TNRC6C: variants seen among roughly 807,000 people sequenced by gnomAD.
TNRC6C encodes the protein trinucleotide repeat containing adaptor 6C, also known as trinucleotide repeat-containing gene 6C protein.
In TNRC6C, 20 loss-of-function variants were observed where a neutral mutation model predicts 153.7. That is an observed-to-expected ratio of 0.13 (90% confidence interval 0.09 to 0.19). The LOEUF (loss-of-function observed/expected upper bound fraction) is 0.19, where lower values mean the gene tolerates loss of function less well. Ranked by LOEUF, TNRC6C falls within the 10% of genes least tolerant of loss-of-function variation. The pLI is 1.00. For synonymous variants in TNRC6C, 811 were observed against 841.4 expected (o/e 0.96, Z 0.63); for missense variants, 1,987 against 2,172.0 (o/e 0.91, Z 1.69).
Position 78,079,666 on chromosome 17 carries a change from G to A in TNRC6C, c.3357+125G>A. Reference sequence around the variant, plus strand: ...GGAGTTAATCCATGTTTAAGAGAAGGCCTTCTGGTTTTTAACCTATAAATT... The same window carrying A: ...GGAGTTAATCCATGTTTAAGAGAAGACCTTCTGGTTTTTAACCTATAAATT... On this transcript the variant is annotated intron_variant, in intron 10 of 19. Coordinates refer to ENST00000301624, the Ensembl canonical transcript of TNRC6C. This position sits in a 1 kb window ranked among gnomAD's most constrained non-coding sequence, Gnocchi z 4.3. 7.9e-7 allele frequency: 1 copy of A among 1,273,742 alleles called. No homozygotes were observed. Among genetic ancestry groups the A allele is most frequent in the Non-Finnish European group, 1.1e-6 (1 of 938,802 alleles). 78.9% of individuals were successfully genotyped at this position (1,273,742 alleles called of 1,614,324 possible).
chr17:78,031,960 C>A, intron 2 of TNRC6C, 118 bp downstream of exon 4: 1 of 813,244 alleles, frequency 1.2e-6, no homozygotes, highest in Non-Finnish European at 1.6e-6. Flanking sequence ...TACACAGAGA[C>A]AGACAAATTC....
intron 1 of TNRC6C, among the ~76,000 whole-genome samples, chr17:77,973,655 A>G (rs2070960024): frequency 6.6e-6 from 1 of 152,274 alleles, no homozygotes; most frequent in Non-Finnish European, 1.5e-5. Flanking sequence ...ACAGCTTACA[A>G]GACCAGTGTT....
upstream of TNRC6C, among the ~76,000 whole-genome samples, chr17:78,003,063 G>T (rs2071436678): frequency 6.6e-6 from 1 of 152,206 alleles, no homozygotes; most frequent in South Asian, 2.1e-4. Context: ...TTCAGCAGTG[G>T]TGCAATTCTG....
chr17:78,028,175 G>A (rs764004159), intron 1 of TNRC6C, among the ~76,000 whole-genome samples: 22 of 152,184 alleles, frequency 1.4e-4, no homozygotes, highest in Non-Finnish European at 3.1e-4. Context: ...GATTACAGGC[G>A]TGAGCCATCG....
intron 1 of TNRC6C, among the ~76,000 whole-genome samples, chr17:77,979,759 A>G (rs563866029): frequency 6.6e-6 from 1 of 152,284 alleles, no homozygotes; most frequent in East Asian, 1.9e-4. Context: ...ACCAAAAAAC[A>G]AAAATAAAGG....
chr17:78,054,739 C>T (rs114733385), intron 3 of TNRC6C, among the ~76,000 whole-genome samples: 3,946 of 152,078 alleles, frequency 0.026, 178 homozygotes, highest in African/African-American at 0.09. Flanking sequence ...CTACTGTACA[C>T]TACTGGAGAC....
At chr17:78,027,342 A>G (rs184915901) in intron 1 of TNRC6C, among the ~76,000 whole-genome samples, 1 of 152,300 alleles carries the variant, frequency 6.6e-6, no homozygotes, top group Non-Finnish European at 1.5e-5. Flanking sequence ...ATATTTGAAC[A>G]TGTTCAAGTG....
At chr17:78,030,112 T>G (rs1035474803) in intron 1 of TNRC6C, among the ~76,000 whole-genome samples, 6 of 152,182 alleles carry the variant, frequency 3.9e-5, no homozygotes, top group African/African-American at 1.2e-4. Context: ...TATGTACTAC[T>G]GTACATAATT....
At chr17:78,023,494 G>C (rs1378939694) in intron 1 of TNRC6C, among the ~76,000 whole-genome samples, 1 of 152,116 alleles carries the variant, frequency 6.6e-6, no homozygotes, top group Non-Finnish European at 1.5e-5. Flanking sequence ...TTCCCAAGAA[G>C]CACTTGTTGA....
chr17:78,049,734 C>T lies in TNRC6C; in HGVS notation c.672C>T (p.Gly224=). ...CCATCATCCCGCCCCACCTGCAAGG[C>T]CTTCCTGGTGCTAATGGATCATCAG... The change falls in exon 3 of 20, where the codon GGC becomes GGT. Residue 224 remains glycine (G), a synonymous_variant. Coordinates refer to ENST00000301624, the Ensembl canonical transcript of TNRC6C. This position sits in a 1 kb window ranked among gnomAD's most constrained non-coding sequence, Gnocchi z 4.1. 6.3e-7 allele frequency: 1 copy of T among 1,593,030 alleles called. No individual in the cohort carries two copies. Among genetic ancestry groups the T allele is most frequent in the Non-Finnish European group, 8.6e-7 (1 of 1,168,022 alleles).
At chr17:78,083,195 G>A (rs762772516) in intron 11 of TNRC6C, 29 bp downstream of exon 13, 3 of 1,612,516 alleles carry the variant, frequency 1.9e-6, no homozygotes, top group Admixed American at 1.7e-5. Flanking sequence ...GCAAGTTAGA[G>A]CACGCAGGCC....
At chr17:77,978,586 C>T (rs1333321766) in intron 1 of TNRC6C, among the ~76,000 whole-genome samples, 1 of 152,182 alleles carries the variant, frequency 6.6e-6, no homozygotes, top group East Asian at 1.9e-4. Context: ...TTTGGTGCCA[C>T]ATGACCCCTC....
chr17:78,090,466 C>G (rs913626120), intron 13 of TNRC6C, among the ~76,000 whole-genome samples: 4 of 152,144 alleles, frequency 2.6e-5, no homozygotes, highest in Admixed American at 6.5e-5. Context: ...GTAGTACTTA[C>G]GGTAAGGACC....
chr17:77,981,781 A>G (rs544160527), intron 1 of TNRC6C, among the ~76,000 whole-genome samples: 1 of 152,334 alleles, frequency 6.6e-6, no homozygotes, highest in East Asian at 1.9e-4. Flanking sequence ...GTTAGTTTAC[A>G]TATTGTCTAT....
chr17:77,990,612 C>T (rs2071235926), intron 1 of TNRC6C, among the ~76,000 whole-genome samples: 1 of 152,192 alleles, frequency 6.6e-6, no homozygotes, highest in South Asian at 2.1e-4. Flanking sequence ...CAGAATCCTT[C>T]CTCTTAAGTG....
Position 78,049,243 on chromosome 17 carries a change from G to T in TNRC6C, c.181G>T (p.Gly61Cys), listed in dbSNP as rs560050424. ...GGGTGTAGCCACAGGCTCCAGCTCT[G>T]GCCTGGCTCACTGCTCTGTCAGTGG... is the stretch of plus-strand genomic sequence containing the variant. The change falls in exon 3 of 20, where the codon GGC (glycine) becomes TGC (cysteine). Residue 61 changes from glycine to cysteine, a missense_variant. Physicochemically the swap from Gly to Cys is radical, Grantham distance 159. Transcript: ENST00000301624. This position sits in a 1 kb window ranked among gnomAD's most constrained non-coding sequence, Gnocchi z 4.1. 1.9e-6 allele frequency: 3 copies of T among 1,611,406 alleles called. No homozygotes were observed. In the African/African-American group the frequency reaches 4.0e-5, roughly 21 times the overall value.
intron 1 of TNRC6C, among the ~76,000 whole-genome samples, chr17:77,967,772 T>C (rs1414935573): frequency 2.0e-5 from 3 of 152,258 alleles, no homozygotes; most frequent in Non-Finnish European, 4.4e-5. Context: ...TGATGGTCTT[T>C]AGATACTAGC....
At chr17:77,968,639 G>A (rs373999029) in intron 1 of TNRC6C, among the ~76,000 whole-genome samples, 12 of 152,298 alleles carry the variant, frequency 7.9e-5, no homozygotes, top group African/African-American at 2.4e-4. Flanking sequence ...CACCGTGCCC[G>A]GCCCGAGATG....
chr17:78,080,905 C>A (rs1189624993), intron 10 of TNRC6C, among the ~76,000 whole-genome samples: 1 of 152,054 alleles, frequency 6.6e-6, no homozygotes, highest in African/African-American at 2.4e-5. Context: ...ATTCATCAAT[C>A]TTCTATTATT....
Sources: gnomAD v4.1 joint callset for allele counts (sites outside exome capture counted in the v4.1 genomes callset) on GRCh38, gnomAD v4.1.1 for gene constraint, Gnocchi (gnomAD v3.1) non-coding constraint, MANE v1.5 for transcripts, NCBI Gene and HGNC (gene_info 2026-07-23, HGNC 2026-07-21) for gene names.